Variants in CPLANE1 observed in about 807,000 individuals in gnomAD.
CPLANE1 encodes the protein ciliogenesis and planar polarity effector 1.
In CPLANE1, 263 loss-of-function variants were observed where a neutral mutation model predicts 362.5. The observed-to-expected ratio is 0.73, with a 90% CI of 0.66 to 0.80. The LOEUF (loss-of-function observed/expected upper bound fraction) is 0.80, where lower values mean the gene tolerates loss of function less well. Among genes scored for constraint, CPLANE1 ranks in the 30% least tolerant of loss-of-function variants. The pLI, the probability that CPLANE1 is intolerant of heterozygous loss-of-function variation, is 0.00. For synonymous variants in CPLANE1, 1,212 were observed against 1,302.6 expected, an observed-to-expected ratio of 0.93 and a Z score of 1.50; for missense variants, 3,461 against 3,793.4, an observed-to-expected ratio of 0.91 and a Z score of 2.30.
intron 46 of CPLANE1, among the ~76,000 whole-genome samples, chr5:37,136,416 C>T (rs1767724255): frequency 6.6e-6 from 1 of 152,206 alleles, no homozygotes; most frequent in South Asian, 2.1e-4. Flanking sequence ...TGTGGCTTTG[C>T]AGGGTACAGC....
rs548478463 is a variant in CPLANE1 at position 37,143,120 on chromosome 5, G to A, written c.8462-640C>T. ...GAATTTCTACCATCAATAAAGTACA[G>A]CAACCCCAAGTGAAGAAACGTATAC... On this transcript the variant is annotated intron_variant, in intron 43 of 52. Coordinates refer to ENST00000651892, the MANE Select transcript of CPLANE1 (RefSeq NM_001384732.1). Among the ~76,000 whole-genome samples, 32 of 152,314 alleles carry A rather than the reference G, an allele frequency of 2.1e-4. No homozygotes were observed. In the South Asian group the frequency reaches 6.2e-3, roughly 30 times the overall value.
In CPLANE1 at chr5:37,175,547, G is replaced by A. The variant is rs149657849; in HGVS notation, c.5978+362C>T. On this transcript the variant is annotated intron_variant, in intron 31 of 52. Coordinates refer to ENST00000651892, the MANE Select transcript of CPLANE1 (RefSeq NM_001384732.1). ...ACTAAGCACTCTGTTCAAAAGAACC[G>A]GATGAGTCTGTTCTGTGAGAGAATT... Among the ~76,000 whole-genome samples, 8 of 152,262 alleles carry A rather than the reference G, an allele frequency of 5.3e-5. No individual in the cohort carries two copies. The East Asian group carries it at 1.2e-3, about 22-fold the overall frequency.
At chr5:37,193,902 G>A (rs191392269) in intron 21 of CPLANE1, among the ~76,000 whole-genome samples, 10 of 150,998 alleles carry the variant, frequency 6.6e-5, no homozygotes, top group Admixed American at 5.3e-4. Flanking sequence ...ACCGCACCTG[G>A]CCAGAAAGGA....
chr5:37,208,675 TCC>T lies in CPLANE1; in HGVS notation c.2921-2252_2921-2251del, dbSNP rs34843144. Reference sequence around the variant, plus strand: ...CTGGGCGATAGAGCAAGACTCTGTCTCCCCCCCCCCCCAAAAAAAAAAAAGAG... The same window carrying T: ...CTGGGCGATAGAGCAAGACTCTGTCTCCCCCCCCCCAAAAAAAAAAAAGAG... On this transcript the variant is annotated intron_variant, in intron 16 of 52. Coordinates refer to ENST00000651892, the MANE Select transcript of CPLANE1 (RefSeq NM_001384732.1). Among the ~76,000 whole-genome samples the T allele has an allele frequency of 7.4e-4, 46 of 62,350 alleles. No homozygotes were observed. In the East Asian group the frequency reaches 0.011, roughly 15 times the overall value. The allele number at this position is 62,350 out of a possible 152,430, so 40.9% of individuals were successfully genotyped here.
intron 23 of CPLANE1, 43 bp downstream of exon 23, chr5:37,187,371 C>A: frequency 6.7e-7 from 1 of 1,484,862 alleles, no homozygotes; most frequent in Non-Finnish European, 9.1e-7. Context: ...CTTTTAAAGT[C>A]TCTGATTCTG....
intron 44 of CPLANE1, chr5:37,139,857 G>A: frequency 1.0e-6 from 1 of 985,710 alleles, no homozygotes; most frequent in Non-Finnish European, 1.2e-6. Context: ...GCCAGTATAA[G>A]ATTATTACTT....
In CPLANE1 at chr5:37,198,701, C is replaced by T. The variant is rs1321798322; in HGVS notation, c.3672+1G>A. On this transcript the variant is annotated splice_donor_variant, in intron 20 of 52. Coordinates refer to ENST00000651892, the MANE Select transcript of CPLANE1 (RefSeq NM_001384732.1). LOFTEE classifies it high-confidence loss of function. ...TGTAAATGACTAAGATATTTCCATA[C>T]CTTCTGCATGACTTTTCTTGCCCAC... 1 of 1,612,456 alleles carries T rather than the reference C, an allele frequency of 6.2e-7. No homozygotes were observed. The highest frequency in any genetic ancestry group is 8.5e-7 in the Non-Finnish European group (1 of 1,178,986).
At chr5:37,244,920 G>C (rs573534466) in intron 4 of CPLANE1, among the ~76,000 whole-genome samples, 5 of 151,998 alleles carry the variant, frequency 3.3e-5, no homozygotes, top group East Asian at 1.9e-4. Context: ...AAAAAAAAAG[G>C]CTGGGTGGAT....
chr5:37,244,216 A>C (rs1347928786), intron 5 of CPLANE1, among the ~76,000 whole-genome samples, 159 bp downstream of exon 5: 2 of 152,222 alleles, frequency 1.3e-5, no homozygotes, highest in Admixed American at 6.5e-5. Context: ...ATTTTAATAA[A>C]CACTTTTTAA....
intron 48 of CPLANE1, 40 bp from the exon 49 acceptor site, chr5:37,121,824 T>C: frequency 3.2e-6 from 5 of 1,541,598 alleles, no homozygotes; most frequent in Non-Finnish European, 4.5e-6. Flanking sequence ...TAAGAGTCAC[T>C]TTCAGTTCAT....
chr5:37,085,319 C>CG, the CPLANE1 span: 1 of 1,245,004 alleles, frequency 8.0e-7, no homozygotes, highest in East Asian at 2.3e-5. Flanking sequence ...TCATGGATGT[C>CG]ATCAGCATTG....
chr5:37,167,935 T>G (rs1778747728), intron 34 of CPLANE1, among the ~76,000 whole-genome samples: 1 of 152,158 alleles, frequency 6.6e-6, no homozygotes, highest in Non-Finnish European at 1.5e-5. Context: ...CCTTGGGAAT[T>G]GGGTGATAAA....
In CPLANE1 at chr5:37,107,717, C is replaced by T. The variant is rs1757922791; in HGVS notation, c.9641G>A (p.Ser3214Asn). ...GATGCTGCCAGTGCTCTCAGACACG[C>T]TGTCCACACCGCCCACCCCAAAAGG... ...EHPFGVGGVD[S>N]VSESTGSILS... is the part of the protein sequence containing the mutation. The change falls in exon 53 of 53, where the codon AGC becomes AAC. Residue 3214 changes from serine (S) to asparagine (N), a missense_variant. Ser to Asn is a conservative substitution (Grantham distance 46). Around this residue, in one of 2 missense-constraint regions of CPLANE1, gnomAD observed 81 missense variants for 127.3 expected, o/e 0.64. Coordinates refer to ENST00000651892, the MANE Select transcript of CPLANE1 (RefSeq NM_001384732.1). 4 of 1,612,252 alleles carry T rather than the reference C, an allele frequency of 2.5e-6. No homozygotes were observed. Among genetic ancestry groups the T allele is most frequent in the Non-Finnish European group, 3.4e-6 (4 of 1,179,272 alleles).
chr5:37,176,853 G>A (rs956364856), intron 30 of CPLANE1, among the ~76,000 whole-genome samples: 12 of 150,152 alleles, frequency 8.0e-5, no homozygotes, highest in South Asian at 2.1e-4. Flanking sequence ...CCGCCTCCCC[G>A]GGTCATGCCA....
At position 37,224,284 on chromosome 5, in the gene CPLANE1, C is replaced by A; in HGVS notation, c.2550G>T (p.Trp850Cys). 6.5e-7 allele frequency: 1 copy of A among 1,549,180 alleles called. No individual in the cohort carries two copies. Among genetic ancestry groups the A allele is most frequent in the Non-Finnish European group, 8.7e-7 (1 of 1,146,048 alleles). Residue 850 changes from tryptophan to cysteine, a missense_variant, in exon 14 of 53, where the codon TGG becomes TGT. Transcript: ENST00000651892. ...CTTCGATTTCTTGTAGAGCTTTTTT[C>A]CACAGCTGAACAGACTTTTCATATG... ...LGSYEKSVQL[W>C]KKALQEIEEK...
chr5:37,170,521 A>G (rs1004014143), intron 32 of CPLANE1, among the ~76,000 whole-genome samples, 190 bp from the exon 33 acceptor site: 8 of 152,074 alleles, frequency 5.3e-5, no homozygotes, highest in African/African-American at 1.9e-4. Flanking sequence ...AAAAATGATA[A>G]CTTCCTGTCA....
In CPLANE1 at chr5:37,169,316, G is replaced by A. The variant is rs777592572; in HGVS notation, c.6708C>T (p.Phe2236=). The change falls in exon 34 of 53, where the codon TTC becomes TTT. Residue 2236 remains phenylalanine, a synonymous_variant. Transcript: ENST00000651892. Reference sequence around the variant, plus strand: ...TTCCTGTATGTAAGAAAAGGGGCTGGAATTCTTGTTTAGACTTAAATTGAA... The same window carrying A: ...TTCCTGTATGTAAGAAAAGGGGCTGAAATTCTTGTTTAGACTTAAATTGAA... The part of the protein sequence containing the change: ...PLLQFKSKQE[F]QPLFLHTGSI... 1 of 1,614,028 alleles carries A rather than the reference G, an allele frequency of 6.2e-7. No individual in the cohort carries two copies. The highest frequency in any genetic ancestry group is 8.5e-7 in the Non-Finnish European group (1 of 1,180,034).
rs1162813263 is a variant in CPLANE1, at chr5:37,198,800, G to A, written c.3574C>T (p.Gln1192Ter). 6.2e-7 allele frequency: 1 copy of A among 1,613,968 alleles called. No individual in the cohort carries two copies. The highest frequency in any genetic ancestry group is 8.5e-7 in the Non-Finnish European group (1 of 1,180,016). ...GCCCGGAAAAGCAGGAGAACACGCTGAAGGATTCCAGATACCTTCTGGCGA... is the reference window on the plus strand; with the variant it reads ...GCCCGGAAAAGCAGGAGAACACGCTAAAGGATTCCAGATACCTTCTGGCGA... ...NNRQKVSGIL[Q>*]RVLLLFRAAQ... Residue 1192 changes from glutamine to a stop codon, truncating the protein, a stop_gained, in exon 20 of 53, where the codon CAG (glutamine) becomes TAG (stop). Transcript: ENST00000651892. LOFTEE classifies it high-confidence loss of function.
chr5:37,119,673 AAAAAATT>A (rs563370727), intron 50 of CPLANE1, among the ~76,000 whole-genome samples: 10 of 150,084 alleles, frequency 6.7e-5, no homozygotes, highest in Admixed American at 6.6e-4. Context: ...CTCCGTCTCA[AAAAAATT>A]AAAAATTAAA....
Sources: allele counts gnomAD v4.1 joint callset (sites outside exome capture counted in the v4.1 genomes callset), GRCh38; gene constraint gnomAD v4.1.1; regional missense constraint gnomAD v4.1.1; transcripts MANE v1.5; gene names NCBI Gene and HGNC (gene_info 2026-07-23, HGNC 2026-07-21).